MMACHC: variants seen among roughly 807,000 people sequenced by gnomAD.
MMACHC encodes metabolism of cobalamin associated C, also known as cyanocobalamin reductase / alkylcobalamin dealkylase.
MMACHC carries 14 observed loss-of-function variants against 17.6 expected under a neutral mutation model. The ratio of observed to expected loss-of-function variants is 0.80; its 90% confidence interval spans 0.53 to 1.25. MMACHC has a LOEUF of 1.25. Ranked by LOEUF, MMACHC falls within the 50% of genes most tolerant of loss-of-function variation. The pLI is 0.00. For missense variants in MMACHC, 392 were observed against 364.5 expected (o/e 1.08, Z -0.62); for synonymous variants, 151 against 142.1 (o/e 1.06, Z -0.45).
Position 45,511,497 on chromosome 1 carries a change from C to G in MMACHC, c.*2282C>G. ...TCCTATGGACAAAACCAGTTCTGCACCTGAACACTCAGATACCAGGAAACC... is the reference window on the plus strand; with the variant it reads ...TCCTATGGACAAAACCAGTTCTGCAGCTGAACACTCAGATACCAGGAAACC... On this transcript the variant is annotated 3_prime_UTR_variant, in exon 4 of 4. Coordinates refer to ENST00000401061, the MANE Select transcript of MMACHC (RefSeq NM_015506.3). The G allele has an allele frequency of 1.8e-6, 2 of 1,120,528 alleles. No homozygotes were observed. Among genetic ancestry groups the G allele is most frequent in the Non-Finnish European group, 1.3e-6 (1 of 765,166 alleles). The allele number at this position is 1,120,528 out of a possible 1,614,324, so 69.4% of individuals were successfully genotyped here.
intron 1 of MMACHC, among the ~76,000 whole-genome samples, chr1:45,505,270 A>G (rs1643604566): frequency 1.3e-5 from 2 of 151,608 alleles, no homozygotes; most frequent in Non-Finnish European, 2.9e-5. Context: ...AACATGGTGA[A>G]ACTCCGTCTC....
chr1:45,502,306 G>A (rs998399672), intron 1 of MMACHC, among the ~76,000 whole-genome samples: 143 of 152,074 alleles, frequency 9.4e-4, no homozygotes, highest in African/African-American at 3.3e-3. Flanking sequence ...GTCTCACTCT[G>A]TCCTCCCGGC....
chr1:45,508,955 A>G lies in MMACHC; in HGVS notation c.589A>G (p.Asn197Asp), dbSNP rs1643681778. ...CCGTATCGCCCTACTCGAAGGCTTC[A>G]ATTTCCACTGGCGTGATTGGACTTA... Reference protein sequence around the residue: ...ADRIALLEGFNFHWRDWTYRD... With the variant: ...ADRIALLEGFDFHWRDWTYRD... Residue 197 changes from asparagine (N) to aspartate (D), a missense_variant, in exon 4 of 4, where the codon AAT becomes GAT. Coordinates refer to ENST00000401061, the MANE Select transcript of MMACHC (RefSeq NM_015506.3). 2 of 1,614,078 alleles carry G rather than the reference A, an allele frequency of 1.2e-6. No homozygotes were observed. Among genetic ancestry groups the G allele is most frequent in the East Asian group, 4.5e-5 (2 of 44,890 alleles).
Position 45,509,452 on chromosome 1 carries a change from C to CTAAA in MMACHC, c.*237_*238insTAAA. Reference sequence around the variant, plus strand: ...TTTTTTAGACAGAGTCTTACTCTGTCACCTAGGCTGGAGTGCAGTGGCACA... The same window carrying CTAAA: ...TTTTTTAGACAGAGTCTTACTCTGTCTAAAACCTAGGCTGGAGTGCAGTGGCACA... On this transcript the variant is annotated 3_prime_UTR_variant, in exon 4 of 4. Transcript: ENST00000401061. The CTAAA allele has an allele frequency of 2.2e-6, 1 of 450,014 alleles. No homozygotes were observed. Among genetic ancestry groups the CTAAA allele is most frequent in the Non-Finnish European group, 3.8e-6 (1 of 264,526 alleles). 27.9% of individuals were successfully genotyped at this position (450,014 alleles called of 1,614,324 possible).
At position 45,507,381 on chromosome 1, in the gene MMACHC, C is replaced by T. The variant is rs770139367; in HGVS notation, c.107C>T (p.Pro36Leu). The change falls in exon 2 of 4, where the codon CCT (proline) becomes CTT (leucine). Residue 36 changes from proline (P) to leucine (L), a missense_variant. Pro to Leu is a moderately conservative substitution (Grantham distance 98, BLOSUM62 -3). Transcript: ENST00000401061. ...FQVAWYNELL[P>L]PAFHLPLPGP... ...GTGGCATGGTACAATGAACTCTTGC[C>T]TCCAGCCTTCCACCTACCGCTGCCA... 6 of 1,614,016 alleles carry T rather than the reference C, an allele frequency of 3.7e-6. No homozygotes were observed. The South Asian group carries it at 6.6e-5, about 18-fold the overall frequency.
At chr1:45,501,785 T>C (rs1482448308) in intron 1 of MMACHC, among the ~76,000 whole-genome samples, 1 of 152,108 alleles carries the variant, frequency 6.6e-6, no homozygotes, top group Non-Finnish European at 1.5e-5. Context: ...GCTTTTGTAC[T>C]GAACAAAGCC....
intron 1 of MMACHC, among the ~76,000 whole-genome samples, chr1:45,502,211 C>G (rs1643557444): frequency 6.6e-6 from 1 of 152,160 alleles, no homozygotes. Flanking sequence ...CTAGACAATT[C>G]TCAAATATAC....
In MMACHC at chr1:45,505,586, G is replaced by A. The variant is rs116012048; in HGVS notation, c.82-1770G>A. Among the ~76,000 whole-genome samples, 466 of 151,738 alleles carry A rather than the reference G, an allele frequency of 3.1e-3. 3 individuals carry two copies. The highest frequency in any genetic ancestry group is 0.011 in the African/African-American group (439 of 41,430). On this transcript the variant is annotated intron_variant, in intron 1 of 3. Transcript: ENST00000401061. ...TGGGATTGCAGGCATGAGCCACCGC[G>A]CCGAGCCTAAAAACAGTATTTTAAG... is the stretch of plus-strand genomic sequence containing the variant.
At position 45,509,310 on chromosome 1, in the gene MMACHC, T is replaced by C; in HGVS notation, c.*95T>C. The C allele has an allele frequency of 1.4e-6, 2 of 1,425,574 alleles. No homozygotes were observed. Among genetic ancestry groups the C allele is most frequent in the Non-Finnish European group, 2.0e-6 (2 of 1,015,510 alleles). 88.3% of individuals were successfully genotyped at this position (1,425,574 alleles called of 1,614,324 possible). A position where few individuals can be genotyped will look rare whatever the true frequency, so the allele number is the denominator to read the frequency against. On this transcript the variant is annotated 3_prime_UTR_variant, in exon 4 of 4. Transcript: ENST00000401061. The stretch of plus-strand genomic sequence containing the variant: ...GGTTTTGAGTACAAGATTACTATTT[T>C]TGATAATATAGTAGAGATCTTCCAT...
rs994612821 is a variant in MMACHC, at chr1:45,508,892, C to T, written c.526C>T (p.Pro176Ser). 1 of 1,614,218 alleles carries T rather than the reference C, an allele frequency of 6.2e-7. No individual in the cohort carries two copies. The highest frequency in any genetic ancestry group is 8.5e-7 in the Non-Finnish European group (1 of 1,180,040). ...LPGIEVPDLPPRKPHDCVPTR... is the reference protein window; with the variant it reads ...LPGIEVPDLPSRKPHDCVPTR... ...AGGGATAGAGGTGCCAGATCTGCCACCCAGAAAACCTCATGACTGTGTACC... is the reference window on the plus strand; with the variant it reads ...AGGGATAGAGGTGCCAGATCTGCCATCCAGAAAACCTCATGACTGTGTACC... The change falls in exon 4 of 4, where the codon CCC becomes TCC. Residue 176 changes from proline to serine, a missense_variant. Transcript: ENST00000401061.
rs746135357 is a variant in MMACHC at position 45,508,332 on chromosome 1, CAA to C, written c.398_399del (p.Gln133ArgfsTer5). On this transcript the variant is annotated frameshift_variant, in exon 3 of 4. Transcript: ENST00000401061. LOFTEE classifies it low-confidence loss of function (END_TRUNC). ...VAGAAYYYQRQDVEADPWGNQ... is the reference protein window; with the variant it reads ...VAGAAYYYQRXDVEADPWGNQ... Reference sequence around the variant, plus strand: ...TGGGGCTGCTTACTACTACCAACGACAAGATGTGGAGGCTGACCCATGGGGGA... The same window carrying C: ...TGGGGCTGCTTACTACTACCAACGACGATGTGGAGGCTGACCCATGGGGGA... 5 of 1,614,098 alleles carry C rather than the reference CAA, an allele frequency of 3.1e-6. No homozygotes were observed. In the East Asian group the frequency reaches 1.1e-4, roughly 36 times the overall value.
In MMACHC at chr1:45,506,460, G is replaced by A. The variant is rs146209189; in HGVS notation, c.82-896G>A. The stretch of plus-strand genomic sequence containing the variant: ...TAGGAACTCTGCTCTGTGGGTCCTC[G>A]TTCCTGGGTTTTTAATTTTCTTTTA... On this transcript the variant is annotated intron_variant, in intron 1 of 3. Coordinates refer to ENST00000401061, the MANE Select transcript of MMACHC (RefSeq NM_015506.3). Among the ~76,000 whole-genome samples, 444 of 152,076 alleles carry A rather than the reference G, an allele frequency of 2.9e-3. 3 individuals are homozygous for A. Among genetic ancestry groups the A allele is most frequent in the East Asian group, 0.018 (93 of 5,172 alleles).
rs765822392 is a variant in MMACHC, at chr1:45,509,166, G to A, written c.800G>A (p.Arg267Gln). ...PKKPGNPSRA[R>Q]SWLSPRVSPP... ...AAGCCTGGGAATCCCAGCAGAGCCC[G>A]GAGCTGGCTCAGCCCCAGGGTCTCA... Residue 267 changes from arginine (R) to glutamine (Q), a missense_variant, in exon 4 of 4, where the codon CGG becomes CAG. Coordinates refer to ENST00000401061, the MANE Select transcript of MMACHC (RefSeq NM_015506.3). 3.5e-5 allele frequency: 57 copies of A among 1,613,804 alleles called. No homozygotes were observed. The highest frequency in any genetic ancestry group is 1.5e-4 in the South Asian group (14 of 91,068).
In MMACHC at chr1:45,512,069, C is replaced by CTTTTTTTTTTTTTTTTT. The variant is rs869087041; in HGVS notation, c.*2865_*2881dup. ...GCAAGGGGACTAATCTCTTATTTTT[C>CTTTTTTTTTTTTTTTTT]TTTTTTTTTTTTTTTTTTTTTTTTT... is the stretch of plus-strand genomic sequence containing the variant. On this transcript the variant is annotated 3_prime_UTR_variant, in exon 4 of 4. Transcript: ENST00000401061. 4.5e-5 allele frequency: 3 copies of CTTTTTTTTTTTTTTTTT among 66,904 alleles called. No individual in the cohort carries two copies. Among genetic ancestry groups the CTTTTTTTTTTTTTTTTT allele is most frequent in the Non-Finnish European group, 7.9e-5 (3 of 38,080 alleles). 4.1% of individuals were successfully genotyped at this position (66,904 alleles called of 1,614,324 possible). A position where few individuals can be genotyped will look rare whatever the true frequency, so the allele number is the denominator to read the frequency against.
At chr1:45,505,674 C>T (rs189294847) in intron 1 of MMACHC, among the ~76,000 whole-genome samples, 2 of 152,054 alleles carry the variant, frequency 1.3e-5, no homozygotes, top group Admixed American at 1.3e-4. Context: ...GAGGCCAAGT[C>T]AGGTGGATCA....
At chr1:45,501,599 G>C (rs1392613639) in intron 1 of MMACHC, among the ~76,000 whole-genome samples, 1 of 152,204 alleles carries the variant, frequency 6.6e-6, no homozygotes, top group Non-Finnish European at 1.5e-5. Context: ...CCAAGTAAAA[G>C]GGCTTGATGC....
intron 1 of MMACHC, among the ~76,000 whole-genome samples, chr1:45,501,112 C>T (rs1643538339): frequency 6.6e-6 from 1 of 152,134 alleles, no homozygotes; most frequent in Non-Finnish European, 1.5e-5. Context: ...GAAGGAAGGG[C>T]ATTCCTGGTG....
chr1:45,507,152 C>G (rs1004787452), intron 1 of MMACHC, among the ~76,000 whole-genome samples: 7 of 152,100 alleles, frequency 4.6e-5, no homozygotes, highest in African/African-American at 1.7e-4. Context: ...GGTGACAGAG[C>G]AAGACTCTGT....
intron 1 of MMACHC, 38 bp downstream of exon 1, chr1:45,500,451 A>G (rs754544466): frequency 2.4e-5 from 38 of 1,602,900 alleles, no homozygotes; most frequent in African/African-American, 1.2e-4. Flanking sequence ...GGCGAAATAT[A>G]TGATTGGCTT....
Sources: gnomAD v4.1 joint callset for allele counts (sites outside exome capture counted in the v4.1 genomes callset) on GRCh38, gnomAD v4.1.1 for gene constraint, MANE v1.5 for transcripts, NCBI Gene and HGNC (gene_info 2026-07-23, HGNC 2026-07-21) for gene names.